NDUFS6: variants seen among roughly 807,000 people sequenced by gnomAD.
The protein encoded by NDUFS6 is NADH:ubiquinone oxidoreductase subunit S6.
A neutral mutation model predicts 13.2 loss-of-function variants in NDUFS6; 14 were observed. That is an observed-to-expected ratio of 1.06 (90% CI 0.70 to 1.66). The LOEUF (loss-of-function observed/expected upper bound fraction) is 1.66. Ranked by LOEUF, NDUFS6 falls within the 40% of genes most tolerant of loss-of-function variation. The pLI is 0.00. For missense variants in NDUFS6, 206 were observed against 170.8 expected, an observed-to-expected ratio of 1.21 and a Z score of -1.15; for synonymous variants, 95 against 72.3, an observed-to-expected ratio of 1.31 and a Z score of -1.60.
In NDUFS6 at chr5:1,801,479, T is replaced by A; in HGVS notation, c.62T>A (p.Leu21Gln). 1.9e-6 allele frequency: 3 copies of A among 1,603,590 alleles called. No individual in the cohort carries two copies. The highest frequency in any genetic ancestry group is 2.5e-6 in the Non-Finnish European group (3 of 1,178,798). The change falls in exon 1 of 4, where the codon CTG becomes CAG. Residue 21 changes from leucine (L) to glutamine (Q), a missense_variant. Physicochemically the swap from Leu to Gln is moderately radical, Grantham distance 113. Coordinates refer to ENST00000274137, the MANE Select transcript of NDUFS6 (RefSeq NM_004553.6). ...LNRCGEAARS[L>Q]PLGARCFGVR... ...CGGTGTGGCGAGGCGGCGCGGAGCC[T>A]GCCCCTGGGCGCCAGGTGTTTCGGG... is the stretch of plus-strand genomic sequence containing the variant.
At chr5:1,810,911 G>A (rs1374855377) in intron 2 of NDUFS6, among the ~76,000 whole-genome samples, 2 of 152,150 alleles carry the variant, frequency 1.3e-5, no homozygotes, top group African/African-American at 4.8e-5. Context: ...CAACATAGGT[G>A]TGAACTGTGA....
intron 2 of NDUFS6, among the ~76,000 whole-genome samples, chr5:1,809,701 C>T (rs1303888290): frequency 1.3e-5 from 2 of 152,224 alleles, no homozygotes; most frequent in Non-Finnish European, 1.5e-5. Flanking sequence ...CTTTGTGACA[C>T]GTTGTCACTT....
intron 2 of NDUFS6, among the ~76,000 whole-genome samples, chr5:1,805,385 A>T (rs1156799105): frequency 1.3e-5 from 2 of 152,238 alleles, no homozygotes; most frequent in Non-Finnish European, 1.5e-5. Context: ...GAACAAGCAT[A>T]GCAGGAAGCT....
At position 1,814,414 on chromosome 5, in the gene NDUFS6, G is replaced by T. The variant is rs747442701; in HGVS notation, c.262G>T (p.Asp88Tyr). 4 of 1,614,156 alleles carry T rather than the reference G, an allele frequency of 2.5e-6. No homozygotes were observed. The highest frequency in any genetic ancestry group is 2.5e-6 in the Non-Finnish European group (3 of 1,180,024). The change falls in exon 3 of 4, where the codon GAT becomes TAT. Residue 88 changes from aspartate to tyrosine, a missense_variant. Coordinates refer to ENST00000274137, the MANE Select transcript of NDUFS6 (RefSeq NM_004553.6). The surrounding 1 kb of genome is among the most constrained non-coding windows in gnomAD (Gnocchi z 4.9). ...GGTGGAGACTCGGGTGATAGCGTGC[G>T]ATGGCGGCGGGGGAGCTCTTGGCCA... ...SEVETRVIAC[D>Y]GGGGALGHPK...
At chr5:1,804,604 C>T (rs563891928) in intron 2 of NDUFS6, among the ~76,000 whole-genome samples, 1 of 152,344 alleles carries the variant, frequency 6.6e-6, no homozygotes, top group South Asian at 2.1e-4. Context: ...GGGCATCCTG[C>T]CCAAGCTTTC....
At chr5:1,813,018 T>C (rs1440342050) in intron 2 of NDUFS6, among the ~76,000 whole-genome samples, 2 of 151,884 alleles carry the variant, frequency 1.3e-5, no homozygotes, top group Non-Finnish European at 2.9e-5. Flanking sequence ...CGCCACTGCA[T>C]TCCAGCCTGG....
intron 2 of NDUFS6, 59 bp downstream of exon 2, chr5:1,802,433 A>G (rs1408369997): frequency 5.1e-6 from 7 of 1,369,018 alleles, no homozygotes; most frequent in South Asian, 5.1e-5. Flanking sequence ...TGTAACCAAC[A>G]AGAAATAAAA....
chr5:1,813,758 CAA>C lies in NDUFS6; in HGVS notation c.187-580_187-579del, dbSNP rs149123208. 6.2e-4 allele frequency among the ~76,000 whole-genome samples: 95 copies of C among 152,304 alleles called. 1 individual carries two copies. In the East Asian group the frequency reaches 6.6e-3, roughly 11 times the overall value. On this transcript the variant is annotated intron_variant, in intron 2 of 3. Coordinates refer to ENST00000274137, the MANE Select transcript of NDUFS6 (RefSeq NM_004553.6). ...AGACCCAGTGTACGGTAGCAGCAAA[CAA>C]GAGAAAACACTTAGGAACAACCTAA...
At chr5:1,804,735 T>C (rs989690082) in intron 2 of NDUFS6, among the ~76,000 whole-genome samples, 1 of 152,268 alleles carries the variant, frequency 6.6e-6, no homozygotes, top group Non-Finnish European at 1.5e-5. Flanking sequence ...AGTAGGGTTT[T>C]CACAGCCCCC....
chr5:1,801,873 A>C (rs544421892), intron 1 of NDUFS6, among the ~76,000 whole-genome samples: 1 of 152,254 alleles, frequency 6.6e-6, no homozygotes, highest in Admixed American at 6.5e-5. Context: ...GAATTTGTGT[A>C]ATATTCAATA....
At chr5:1,810,051 G>A (rs761568448) in intron 2 of NDUFS6, among the ~76,000 whole-genome samples, 7 of 149,848 alleles carry the variant, frequency 4.7e-5, no homozygotes, top group Non-Finnish European at 7.4e-5. Flanking sequence ...ACATATCTGT[G>A]AGGGAGAGTG....
At chr5:1,813,347 T>C (rs540986322) in intron 2 of NDUFS6, among the ~76,000 whole-genome samples, 3 of 152,226 alleles carry the variant, frequency 2.0e-5, no homozygotes, top group Non-Finnish European at 4.4e-5. Flanking sequence ...TTGAAAAATA[T>C]AAAATATAGT....
intron 2 of NDUFS6, among the ~76,000 whole-genome samples, chr5:1,813,490 G>A (rs992462725): frequency 2.0e-5 from 3 of 152,216 alleles, no homozygotes; most frequent in Middle Eastern, 3.4e-3. Flanking sequence ...ATATGTAGGC[G>A]GACCCCTGGT....
rs1734284814 is a variant in NDUFS6, at chr5:1,814,976, T to A, written c.309+515T>A. ...CTTCTTATAAGGGCACCAGGCAGAT[T>A]GGCTCAGGGCCCCTATGTGACCTCA... On this transcript the variant is annotated intron_variant, in intron 3 of 3. Coordinates refer to ENST00000274137, the MANE Select transcript of NDUFS6 (RefSeq NM_004553.6). The surrounding 1 kb of genome is among the most constrained non-coding windows in gnomAD (Gnocchi z 4.9). Among the ~76,000 whole-genome samples, 1 of 152,126 alleles carries A rather than the reference T, an allele frequency of 6.6e-6. No individual in the cohort carries two copies. The highest frequency in any genetic ancestry group is 2.1e-4 in the South Asian group (1 of 4,820).
At chr5:1,811,858 GTCTCTT>G (rs1376690141) in intron 2 of NDUFS6, among the ~76,000 whole-genome samples, 4 of 152,282 alleles carry the variant, frequency 2.6e-5, no homozygotes, top group African/African-American at 9.6e-5. Flanking sequence ...TTTGATCATT[GTCTCTT>G]ACATCTGTGA....
At position 1,814,779 on chromosome 5, in the gene NDUFS6, A is replaced by T. The variant is rs1734281851; in HGVS notation, c.309+318A>T. On this transcript the variant is annotated intron_variant, in intron 3 of 3. Coordinates refer to ENST00000274137, the MANE Select transcript of NDUFS6 (RefSeq NM_004553.6). This position sits in a 1 kb window ranked among gnomAD's most constrained non-coding sequence, Gnocchi z 4.9. ...CTCAGGCTGCCACACACAGCACCGC[A>T]GGCTGGGGTCGAAAACAACAAACAC... 1.5e-6 allele frequency: 1 copy of T among 677,172 alleles called. No individual in the cohort carries two copies. Among genetic ancestry groups the T allele is most frequent in the Admixed American group, 2.2e-5 (1 of 46,162 alleles). The allele number at this position is 677,172 out of a possible 1,614,324, so 41.9% of individuals were successfully genotyped here. A position where few individuals can be genotyped will look rare whatever the true frequency, so the allele number is the denominator to read the frequency against.
chr5:1,814,777 G>A lies in NDUFS6; in HGVS notation c.309+316G>A, dbSNP rs993979787. 2.2e-5 allele frequency: 15 copies of A among 679,124 alleles called. No homozygotes were observed. Among genetic ancestry groups the A allele is most frequent in the Non-Finnish European group, 3.5e-5 (13 of 373,784 alleles). The allele number at this position is 679,124 out of a possible 1,614,324, so 42.1% of individuals were successfully genotyped here. On this transcript the variant is annotated intron_variant, in intron 3 of 3. Coordinates refer to ENST00000274137, the MANE Select transcript of NDUFS6 (RefSeq NM_004553.6). This position sits in a 1 kb window ranked among gnomAD's most constrained non-coding sequence, Gnocchi z 4.9. ...AGCTCAGGCTGCCACACACAGCACC[G>A]CAGGCTGGGGTCGAAAACAACAAAC...
chr5:1,805,377 A>G (rs1413296511), intron 2 of NDUFS6, among the ~76,000 whole-genome samples: 5 of 152,254 alleles, frequency 3.3e-5, no homozygotes, highest in Non-Finnish European at 7.3e-5. Context: ...CACCTGTAGA[A>G]CAAGCATAGC....
intron 2 of NDUFS6, among the ~76,000 whole-genome samples, chr5:1,811,942 T>G (rs1480268141): frequency 6.6e-6 from 1 of 152,214 alleles, no homozygotes; most frequent in Non-Finnish European, 1.5e-5. Context: ...AAAAGAAACC[T>G]TGGTGCTGAG....
Sources: gnomAD v4.1 joint callset for allele counts (sites outside exome capture counted in the v4.1 genomes callset) on GRCh38, gnomAD v4.1.1 for gene constraint, Gnocchi (gnomAD v3.1) non-coding constraint, MANE v1.5 for transcripts, NCBI Gene and HGNC (gene_info 2026-07-23, HGNC 2026-07-21) for gene names.